Variants in MACF1 observed in about 807,000 individuals in gnomAD.
MACF1 encodes the protein microtubule-actin cross-linking factor 1.
MACF1 carries 193 observed loss-of-function variants against 854.8 expected under a neutral mutation model. That is an observed-to-expected ratio of 0.23 (90% CI 0.20 to 0.25). The LOEUF is 0.25. MACF1 is among the 10% of genes least tolerant of loss of function. The pLI, the probability that MACF1 is intolerant of heterozygous loss-of-function variation, is 1.00. For missense variants in MACF1, 7,722 were observed against 8,929.1 expected (o/e 0.86, Z 5.45); for synonymous variants, 3,185 against 3,226.7 (o/e 0.99, Z 0.44).
At chr1:39,119,370 T>C (rs1464667773) in intron 2 of MACF1, among the ~76,000 whole-genome samples, 2 of 151,702 alleles carry the variant, frequency 1.3e-5, no homozygotes, top group Non-Finnish European at 1.5e-5. Flanking sequence ...GTTATAATTG[T>C]AATTCTTGTA....
At chr1:39,227,552 T>C (rs968500716) in intron 1 of MACF1, among the ~76,000 whole-genome samples, 6 of 152,188 alleles carry the variant, frequency 3.9e-5, no homozygotes, top group Non-Finnish European at 7.3e-5. Flanking sequence ...ACAGAGACTG[T>C]TGAGAACTGG....
chr1:39,215,443 G>GT (rs5773652), intron 1 of MACF1: 87,845 of 145,580 alleles, frequency 0.6, 27,982 homozygotes, highest in South Asian at 0.78. Context: ...AGTATGTGAA[G>GT]TTTTTTTTTT....
chr1:39,334,923 A>G lies in MACF1; in HGVS notation c.8335A>G (p.Ile2779Val). 2 of 1,614,182 alleles carry G rather than the reference A, an allele frequency of 1.2e-6. No homozygotes were observed. Among genetic ancestry groups the G allele is most frequent in the South Asian group, 2.2e-5 (2 of 91,080 alleles). Residue 2779 changes from isoleucine to valine, a missense_variant, in exon 37 of 101, where the codon ATT becomes GTT. By Grantham distance (29) the Ile-to-Val change is conservative. This residue lies in a region of MACF1 where 1,531 missense variants were observed against 1,601.6 expected (regional missense o/e 0.96). Coordinates refer to ENST00000564288, the MANE Select transcript of MACF1 (RefSeq NM_001394062.1). ...HRAQIEKQEG[I>V]EVCALQNEFL... ...GGCTCAGATTGAAAAGCAAGAAGGG[A>G]TTGAAGTGTGTGCATTACAAAATGA...
chr1:39,451,080 T>C lies in MACF1; in HGVS notation c.20287T>C (p.Phe6763Leu). 6.2e-7 allele frequency: 1 copy of C among 1,614,038 alleles called. No homozygotes were observed. Among genetic ancestry groups the C allele is most frequent in the Non-Finnish European group, 8.5e-7 (1 of 1,179,990 alleles). ...GCACAAGTTGGAGGAAGCCCTGCTC[T>C]TTTCGGGTCAGTTCATGGATGCTTT... Reference protein sequence around the residue: ...RQHKLEEALLFSGQFMDALQA... With the variant: ...RQHKLEEALLLSGQFMDALQA... Residue 6763 changes from phenylalanine (F) to leucine (L), a missense_variant, in exon 85 of 101, where the codon TTT becomes CTT. Phe to Leu is a conservative substitution (Grantham distance 22, BLOSUM62 0). Coordinates refer to ENST00000564288, the MANE Select transcript of MACF1 (RefSeq NM_001394062.1).
intron 52 of MACF1, among the ~76,000 whole-genome samples, chr1:39,374,532 T>C (rs1463467983): frequency 6.6e-6 from 1 of 152,228 alleles, no homozygotes; most frequent in African/African-American, 2.4e-5. Flanking sequence ...CAGCAAACTT[T>C]TTCTATAAAG....
chr1:39,473,643 C>T (rs1363188282), intron 97 of MACF1, among the ~76,000 whole-genome samples: 3 of 152,178 alleles, frequency 2.0e-5, no homozygotes, highest in African/African-American at 4.8e-5. Flanking sequence ...GAGCACTTCT[C>T]AATGGAAGCA....
intron 58 of MACF1, among the ~76,000 whole-genome samples, chr1:39,404,203 G>A (rs529220417): frequency 2.0e-5 from 3 of 151,192 alleles, no homozygotes; most frequent in East Asian, 1.9e-4. Flanking sequence ...AGAATAAAAC[G>A]GTTTTTTTTT....
Position 39,333,927 on chromosome 1 carries a change from A to G in MACF1, c.7339A>G (p.Lys2447Glu). 6.2e-7 allele frequency: 1 copy of G among 1,614,154 alleles called. No homozygotes were observed. The highest frequency in any genetic ancestry group is 8.5e-7 in the Non-Finnish European group (1 of 1,180,032). Residue 2447 changes from lysine to glutamate, a missense_variant, in exon 37 of 101, where the codon AAA becomes GAA. Around this residue, in one of 15 missense-constraint regions of MACF1, gnomAD observed 1,531 missense variants for 1,601.6 expected, o/e 0.96. Transcript: ENST00000564288. ...PELINLEKAS[K>E]GRDAEKTVRE... ...ACTTATAAATCTGGAGAAAGCTTCC[A>G]AAGGTAGAGATGCTGAAAAAACAGT...
At chr1:39,099,620 C>G (rs960838292) in intron 2 of MACF1, among the ~76,000 whole-genome samples, 1 of 152,192 alleles carries the variant, frequency 6.6e-6, no homozygotes, top group Non-Finnish European at 1.5e-5. Context: ...ATGAAGTGCC[C>G]TCAGCCCTTG....
Position 39,331,172 on chromosome 1 carries a change from CTTTTTTTTTTTTTTTTTT to C in MACF1, c.4615-20_4615-3del. On this transcript the variant is annotated splice_polypyrimidine_tract_variant and intron_variant, in intron 36 of 100. Coordinates refer to ENST00000564288, the MANE Select transcript of MACF1 (RefSeq NM_001394062.1). ...TCAGTTTTCTTTTTCTTCTCTTTTC[CTTTTTTTTTTTTTTTTTT>C]TTTTTTTTTTAGGAATGCAGAGCAG... 12 of 1,297,960 alleles carry C rather than the reference CTTTTTTTTTTTTTTTTTT, an allele frequency of 9.2e-6. No individual in the cohort carries two copies. The highest frequency in any genetic ancestry group is 1.2e-5 in the Non-Finnish European group (12 of 1,013,282). The allele number at this position is 1,297,960 out of a possible 1,614,324, so 80.4% of individuals were successfully genotyped here.
chr1:39,241,406 T>C (rs1020226652), intron 2 of MACF1, among the ~76,000 whole-genome samples: 3 of 152,126 alleles, frequency 2.0e-5, no homozygotes, highest in African/African-American at 7.2e-5. Context: ...ACGCCAGTAA[T>C]GTCAGCACTT....
rs753056540 is a variant in MACF1, at chr1:39,334,873, A to G, written c.8285A>G (p.Asp2762Gly). ...SPELANMIQI[D>G]SSEFSDHRAQ... is the part of the protein sequence containing the mutation. Reference sequence around the variant, plus strand: ...GAACTGGCAAATATGATCCAAATAGATAGTTCAGAGTTCAGCGATCACAGG... The same window carrying G: ...GAACTGGCAAATATGATCCAAATAGGTAGTTCAGAGTTCAGCGATCACAGG... Residue 2762 changes from aspartate to glycine, a missense_variant, in exon 37 of 101, where the codon GAT becomes GGT. By Grantham distance (94) the Asp-to-Gly change is moderately conservative. Coordinates refer to ENST00000564288, the MANE Select transcript of MACF1 (RefSeq NM_001394062.1). 4 of 1,614,186 alleles carry G rather than the reference A, an allele frequency of 2.5e-6. No homozygotes were observed. The highest frequency in any genetic ancestry group is 1.6e-4 in the Middle Eastern group (1 of 6,062).
intron 58 of MACF1, among the ~76,000 whole-genome samples, chr1:39,404,593 G>A (rs1199712059): frequency 1.3e-5 from 2 of 152,126 alleles, no homozygotes; most frequent in Non-Finnish European, 2.9e-5. Flanking sequence ...TGGGCTGAAC[G>A]ATTTTCTCAG....
chr1:39,345,536 A>T (rs1424133672), intron 40 of MACF1, among the ~76,000 whole-genome samples: 1 of 152,104 alleles, frequency 6.6e-6, no homozygotes, highest in Non-Finnish European at 1.5e-5. Flanking sequence ...GCTTGAGCCC[A>T]GGAGGTCCAG....
At chr1:39,266,594 C>CTTTTTTTTTTTTTTTTTTT (rs11406070) in intron 6 of MACF1, among the ~76,000 whole-genome samples, 1 of 58,126 alleles carries the variant, frequency 1.7e-5, no homozygotes, top group Non-Finnish European at 3.0e-5. Flanking sequence ...TGGTCTTTTC[C>CTTTTTTTTTTTTTTTTTTT]TTTTTTTTTT....
rs1187249308 is a variant in MACF1 at position 39,358,708 on chromosome 1, A to G, written c.11955A>G (p.Leu3985=). 6.2e-7 allele frequency: 1 copy of G among 1,613,966 alleles called. No homozygotes were observed. The highest frequency in any genetic ancestry group is 1.3e-5 in the African/African-American group (1 of 74,934). The part of the protein sequence containing the change: ...YTALHSKCTR[L]GSHLNMLLGQ... ...TTTCTCTGGCACAGTGTACACGATTAGGATCTCACCTGAATATGCTGTTAG... is the reference window on the plus strand; with the variant it reads ...TTTCTCTGGCACAGTGTACACGATTGGGATCTCACCTGAATATGCTGTTAG... Residue 3985 remains leucine, a synonymous_variant, in exon 46 of 101, where the codon TTA becomes TTG. Coordinates refer to ENST00000564288, the MANE Select transcript of MACF1 (RefSeq NM_001394062.1).
At chr1:39,119,565 G>T (rs888359169) in intron 2 of MACF1, among the ~76,000 whole-genome samples, 1 of 152,054 alleles carries the variant, frequency 6.6e-6, no homozygotes, top group Admixed American at 6.6e-5. Flanking sequence ...AATGATGCTG[G>T]TTGTTTTATT....
chr1:39,314,961 AGTTAG>A (rs1418556650), intron 26 of MACF1, among the ~76,000 whole-genome samples: 1 of 152,236 alleles, frequency 6.6e-6, no homozygotes, highest in African/African-American at 2.4e-5. Context: ...TCTGAAATAC[AGTTAG>A]GCTTATATAT....
In MACF1 at chr1:39,444,778, T is replaced by C. The variant is rs1399424469; in HGVS notation, c.19548T>C (p.Ser6516=). The change falls in exon 80 of 101, where the codon AGT becomes AGC. Residue 6516 remains serine, a synonymous_variant. Coordinates refer to ENST00000564288, the MANE Select transcript of MACF1 (RefSeq NM_001394062.1). ...GGTCTGGCTCCAAGACAGAACAGAGTGTAGCACTTTTGGAGCAGAAGTGGC... is the reference window on the plus strand; with the variant it reads ...GGTCTGGCTCCAAGACAGAACAGAGCGTAGCACTTTTGGAGCAGAAGTGGC... ...DSGSGSKTEQ[S]VALLEQKWHV... is the part of the protein sequence containing the mutation. 6.2e-7 allele frequency: 1 copy of C among 1,613,598 alleles called. No individual in the cohort carries two copies. Among genetic ancestry groups the C allele is most frequent in the South Asian group, 1.1e-5 (1 of 91,046 alleles).
Sources: gnomAD v4.1 joint callset for allele counts (sites outside exome capture counted in the v4.1 genomes callset) on GRCh38, gnomAD v4.1.1 for gene constraint, gnomAD v4.1.1 regional missense constraint, MANE v1.5 for transcripts, NCBI Gene and HGNC (gene_info 2026-07-23, HGNC 2026-07-21) for gene names.